Variants in CALN1 observed in about 807,000 individuals in gnomAD.
CALN1 encodes calcium-binding protein 8.
A neutral mutation model predicts 30.6 loss-of-function variants in CALN1; 17 were observed. The observed-to-expected ratio is 0.56, with a 90% confidence interval of 0.38 to 0.83. The LOEUF is 0.83. Ranked by LOEUF, CALN1 falls within the 40% of genes least tolerant of loss-of-function variation. CALN1 has a pLI of 0.00. For missense variants in CALN1, 291 were observed against 354.9 expected (o/e 0.82, Z 1.45); for synonymous variants, 156 against 131.4 (o/e 1.19, Z -1.28).
chr7:72,298,428 T>C lies in CALN1; in HGVS notation c.120-19618A>G, dbSNP rs73361145. On this transcript the variant is annotated intron_variant, in intron 2 of 6. Coordinates refer to ENST00000395275, the MANE Select transcript of CALN1 (RefSeq NM_031468.4). ...TGTTAATCGTTTTGGCCAACTTCTG[T>C]CCAATCTGATGAACTCCTCAGTGCT... 7.0e-3 allele frequency among the ~76,000 whole-genome samples: 1,064 copies of C among 152,286 alleles called. 11 individuals carry two copies. The highest frequency in any genetic ancestry group is 0.023 in the African/African-American group (958 of 41,548).
intron 5 of CALN1, among the ~76,000 whole-genome samples, chr7:71,998,767 G>C (rs1201568078): frequency 1.3e-5 from 2 of 152,002 alleles, no homozygotes; most frequent in Non-Finnish European, 1.5e-5. Flanking sequence ...ATGTTGCCCA[G>C]ACTGGTCTTG....
intron 3 of CALN1, among the ~76,000 whole-genome samples, chr7:72,152,209 A>T (rs1228709347): frequency 1.3e-5 from 2 of 151,962 alleles, no homozygotes; most frequent in African/African-American, 4.8e-5. Context: ...CCTGGTCTAT[A>T]CATTCTTTCC....
chr7:71,893,466 C>A (rs960252435), intron 5 of CALN1, among the ~76,000 whole-genome samples: 1 of 152,024 alleles, frequency 6.6e-6, no homozygotes, highest in South Asian at 2.1e-4. Context: ...GCAAGGTGAG[C>A]GGATCACTTG....
chr7:72,080,073 A>C (rs1257116770), intron 4 of CALN1, among the ~76,000 whole-genome samples: 2 of 152,068 alleles, frequency 1.3e-5, no homozygotes, highest in Non-Finnish European at 2.9e-5. Context: ...ACCTGGCCCA[A>C]GAGGTTGCCT....
At chr7:72,106,738 G>A (rs796569205) in intron 3 of CALN1, among the ~76,000 whole-genome samples, 149 of 32,534 alleles carry the variant, frequency 4.6e-3, no homozygotes, top group African/African-American at 6.0e-3. Flanking sequence ...GGGAGGAAGG[G>A]AGGGAGGAAG....
intron 2 of CALN1, among the ~76,000 whole-genome samples, chr7:72,360,413 C>CTA (rs1197630407): frequency 1.3e-5 from 2 of 151,772 alleles, no homozygotes; most frequent in East Asian, 3.9e-4. Flanking sequence ...TACAATGTCT[C>CTA]TAGTTTTGAA....
intron 3 of CALN1, among the ~76,000 whole-genome samples, chr7:72,142,824 C>T (rs1056425832): frequency 1.3e-4 from 20 of 152,242 alleles, no homozygotes; most frequent in African/African-American, 3.9e-4. Context: ...CACCAATATT[C>T]GCTGTTCTGC....
chr7:72,272,933 C>T (rs1347566193), intron 3 of CALN1, among the ~76,000 whole-genome samples: 2 of 151,832 alleles, frequency 1.3e-5, no homozygotes, highest in Non-Finnish European at 2.9e-5. Flanking sequence ...CCTAGGATGA[C>T]CAAACGTACA....
rs545009433 is a variant in CALN1, at chr7:72,274,189, G to A, written c.244+4497C>T. Among the ~76,000 whole-genome samples the A allele has an allele frequency of 5.9e-5, 9 of 152,232 alleles. No homozygotes were observed. In the South Asian group the frequency reaches 1.9e-3, roughly 32 times the overall value. ...AAAGAAAAGAGGTAAACTTCAGATG[G>A]AGGTGAATTTAGTTTAAGATTAAGA... On this transcript the variant is annotated intron_variant, in intron 3 of 6. Coordinates refer to ENST00000395275, the MANE Select transcript of CALN1 (RefSeq NM_031468.4).
At chr7:71,947,728 G>A (rs1418066453) in intron 5 of CALN1, among the ~76,000 whole-genome samples, 3 of 152,050 alleles carry the variant, frequency 2.0e-5, no homozygotes, top group Admixed American at 2.0e-4. Context: ...ATCACCTGAG[G>A]TCAGGAGTTC....
At chr7:72,363,268 T>TCC (rs1238145046) in intron 2 of CALN1, among the ~76,000 whole-genome samples, 1 of 152,266 alleles carries the variant, frequency 6.6e-6, no homozygotes, top group Non-Finnish European at 1.5e-5. Context: ...AGACGAAGTC[T>TCC]CGCTCTGTTG....
At chr7:72,317,189 AG>A (rs540947562) in intron 2 of CALN1, among the ~76,000 whole-genome samples, 73 of 88,176 alleles carry the variant, frequency 8.3e-4, no homozygotes, top group African/African-American at 3.1e-3. Context: ...AGGAGGCAGG[AG>A]GGGAGGGAAG....
At chr7:72,004,671 T>C (rs184067433) in intron 5 of CALN1, among the ~76,000 whole-genome samples, 2 of 151,210 alleles carry the variant, frequency 1.3e-5, no homozygotes, top group South Asian at 2.1e-4. Flanking sequence ...ATATAAAGAA[T>C]TCTCAAAACT....
the CALN1 span, among the ~76,000 whole-genome samples, chr7:72,475,870 G>A: frequency 3.3e-5 from 5 of 149,462 alleles, no homozygotes; most frequent in Non-Finnish European, 7.4e-5. Context: ...TAATGAATAA[G>A]TCTCACGAGA....
intron 2 of CALN1, among the ~76,000 whole-genome samples, chr7:72,383,856 T>C (rs1437514201): frequency 1.3e-5 from 2 of 152,234 alleles, no homozygotes; most frequent in East Asian, 3.9e-4. Context: ...AATCCCCCTT[T>C]TTAAAATCTT....
intron 5 of CALN1, among the ~76,000 whole-genome samples, chr7:71,974,047 T>G (rs1467755290): frequency 6.6e-6 from 1 of 152,192 alleles, no homozygotes; most frequent in Non-Finnish European, 1.5e-5. Flanking sequence ...CCCTGCATAG[T>G]CTGAATTGAT....
intron 3 of CALN1, among the ~76,000 whole-genome samples, chr7:72,120,462 T>G (rs1372718168): frequency 6.6e-6 from 1 of 152,204 alleles, no homozygotes; most frequent in African/African-American, 2.4e-5. Flanking sequence ...GTGGGATATT[T>G]AGATAATTCC....
chr7:71,914,818 C>T (rs1794603098), intron 5 of CALN1, among the ~76,000 whole-genome samples: 1 of 152,056 alleles, frequency 6.6e-6, no homozygotes, highest in Non-Finnish European at 1.5e-5. Context: ...CTTCTTTTTC[C>T]TATGATTGTT....
At chr7:72,251,911 C>T (rs1057255469) in intron 3 of CALN1, among the ~76,000 whole-genome samples, 1 of 152,136 alleles carries the variant, frequency 6.6e-6, no homozygotes, top group Non-Finnish European at 1.5e-5. Context: ...TGTGACTCTA[C>T]ACACATCTCA....
Sources: gnomAD v4.1 joint callset for allele counts (sites outside exome capture counted in the v4.1 genomes callset) on GRCh38, gnomAD v4.1.1 for gene constraint, MANE v1.5 for transcripts, NCBI Gene and HGNC (gene_info 2026-07-23, HGNC 2026-07-21) for gene names.